Variants in PRAG1 observed in about 807,000 individuals in gnomAD.
The protein encoded by PRAG1 is inactive tyrosine-protein kinase PRAG1.
Under a neutral mutation model 95.6 loss-of-function variants are expected in PRAG1, and 110 were observed. That is an observed-to-expected ratio of 1.15 (90% CI 0.99 to 1.35). The LOEUF (loss-of-function observed/expected upper bound fraction) is 1.35, where lower values mean the gene tolerates loss of function less well. PRAG1 is among the 40% of genes most tolerant of loss of function. PRAG1 has a pLI of 0.00. For synonymous variants in PRAG1, 1,052 were observed against 819.4 expected (o/e 1.28, Z -4.85); for missense variants, 2,554 against 1,864.7 (o/e 1.37, Z -6.81).
At chr8:8,372,701 A>C (rs1800249911) in intron 3 of PRAG1, among the ~76,000 whole-genome samples, 1 of 152,232 alleles carries the variant, frequency 6.6e-6, no homozygotes, top group Non-Finnish European at 1.5e-5. Flanking sequence ...GAGTTTACAG[A>C]GGACAATATC....
intron 3 of PRAG1, among the ~76,000 whole-genome samples, chr8:8,355,284 A>G (rs1006337525): frequency 2.6e-5 from 4 of 152,204 alleles, no homozygotes; most frequent in Non-Finnish European, 4.4e-5. Flanking sequence ...AAATGCAAAT[A>G]TATACCATGT....
At chr8:8,319,591 G>GA (rs1798408510) in intron 5 of PRAG1, among the ~76,000 whole-genome samples, 2 of 152,284 alleles carry the variant, frequency 1.3e-5, no homozygotes, top group African/African-American at 4.8e-5. Flanking sequence ...ACACCATTAA[G>GA]AAAGTGGAAA....
In PRAG1 at chr8:8,376,898, C is replaced by G; in HGVS notation, c.1511G>C (p.Gly504Ala). 6.2e-7 allele frequency: 1 copy of G among 1,613,294 alleles called. No homozygotes were observed. Among genetic ancestry groups the G allele is most frequent in the Non-Finnish European group, 8.5e-7 (1 of 1,180,018 alleles). The change falls in exon 3 of 6, where the codon GGG becomes GCG. Residue 504 changes from glycine (G) to alanine (A), a missense_variant. Physicochemically the swap from Gly to Ala is moderately conservative, Grantham distance 60. Transcript: ENST00000615670. ...TACCTCGGAGTTCTGGCTCACAGGC[C>G]CTCGTGGCCACTGCACCCCCACTGC... Reference protein sequence around the residue: ...DSAVGVQWPRGPVSQNSEVGE... With the variant: ...DSAVGVQWPRAPVSQNSEVGE...
At chr8:8,380,223 C>T (rs756424705) in intron 2 of PRAG1, among the ~76,000 whole-genome samples, 4 of 151,560 alleles carry the variant, frequency 2.6e-5, no homozygotes, top group Admixed American at 6.6e-5. Flanking sequence ...TGCAGTTAGC[C>T]GAGATCGCAA....
chr8:8,369,802 G>C lies in PRAG1; in HGVS notation c.2162+6445C>G, dbSNP rs144375695. Among the ~76,000 whole-genome samples, 150 of 151,782 alleles carry C rather than the reference G, an allele frequency of 9.9e-4. 1 individual carries two copies. The highest frequency in any genetic ancestry group is 3.6e-3 in the African/African-American group (147 of 41,344). Reference sequence around the variant, plus strand: ...ACTATAAGGTACTCCTGGACACAGAGCTGAGCTTACCTTTGTGTTCCCTAA... The same window carrying C: ...ACTATAAGGTACTCCTGGACACAGACCTGAGCTTACCTTTGTGTTCCCTAA... On this transcript the variant is annotated intron_variant, in intron 3 of 5. Coordinates refer to ENST00000615670, the MANE Select transcript of PRAG1 (RefSeq NM_001080826.3).
At chr8:8,378,808 C>A (rs958192138) in intron 2 of PRAG1, among the ~76,000 whole-genome samples, 5 of 151,138 alleles carry the variant, frequency 3.3e-5, no homozygotes, top group African/African-American at 1.2e-4. Context: ...TTGCAGTGAC[C>A]CAAATCACAC....
intron 3 of PRAG1, among the ~76,000 whole-genome samples, chr8:8,367,361 G>C (rs1314416633): frequency 1.3e-5 from 2 of 148,746 alleles, no homozygotes; most frequent in African/African-American, 5.0e-5. Flanking sequence ...GGGAGGATGA[G>C]GCAGGGGAAT....
chr8:8,353,612 A>C (rs1799592041), intron 3 of PRAG1, among the ~76,000 whole-genome samples: 1 of 152,178 alleles, frequency 6.6e-6, no homozygotes, highest in Non-Finnish European at 1.5e-5. Context: ...GAAAGATCCC[A>C]AATAAATAGT....
At chr8:8,331,383 C>T (rs932005925) in intron 4 of PRAG1, among the ~76,000 whole-genome samples, 41 of 152,158 alleles carry the variant, frequency 2.7e-4, no homozygotes, top group African/African-American at 9.4e-4. Context: ...AGCTGTCAGC[C>T]TGCCCTGCCT....
chr8:8,362,654 G>C (rs893209774), intron 3 of PRAG1, among the ~76,000 whole-genome samples: 1 of 152,206 alleles, frequency 6.6e-6, no homozygotes, highest in African/African-American at 2.4e-5. Flanking sequence ...CCACAAAGAA[G>C]AATCAGTAGT....
rs779963239 is a variant in PRAG1 at position 8,376,227 on chromosome 8, A to G, written c.2162+20T>C. 1.2e-6 allele frequency: 2 copies of G among 1,604,880 alleles called. No individual in the cohort carries two copies. Among genetic ancestry groups the G allele is most frequent in the Non-Finnish European group, 1.7e-6 (2 of 1,175,642 alleles). On this transcript the variant is annotated intron_variant, in intron 3 of 5. Coordinates refer to ENST00000615670, the MANE Select transcript of PRAG1 (RefSeq NM_001080826.3). ...CCCTTTGCCCTGCAGACAGAGTCCC[A>G]GGCAGACAATGGTACTCACCGCGAC...
intron 3 of PRAG1, among the ~76,000 whole-genome samples, chr8:8,362,476 G>T (rs1380876708): frequency 1.3e-5 from 2 of 152,132 alleles, no homozygotes; most frequent in East Asian, 1.9e-4. Context: ...GAGAGTCTGG[G>T]TTTATTCATT....
In PRAG1 at chr8:8,354,655, A is replaced by G. The variant is rs190110971; in HGVS notation, c.2163-15020T>C. ...CAAATAAATCATTGTAATATGTCAC[A>G]TTAACAGAATGAAAGATAGAAACCA... is the stretch of plus-strand genomic sequence containing the variant. On this transcript the variant is annotated intron_variant, in intron 3 of 5. Transcript: ENST00000615670. Among the ~76,000 whole-genome samples, 538 of 152,330 alleles carry G rather than the reference A, an allele frequency of 3.5e-3. 1 individual carries two copies. Among genetic ancestry groups the G allele is most frequent in the Middle Eastern group, 0.01 (3 of 294 alleles).
chr8:8,354,062 A>C (rs1017418219), intron 3 of PRAG1, among the ~76,000 whole-genome samples: 3 of 152,148 alleles, frequency 2.0e-5, no homozygotes, highest in African/African-American at 4.8e-5. Context: ...GAAAATAAGG[A>C]AAGAAGACTC....
At chr8:8,378,522 G>A (rs1800514549) in intron 2 of PRAG1, among the ~76,000 whole-genome samples, 1 of 152,120 alleles carries the variant, frequency 6.6e-6, no homozygotes, top group Non-Finnish European at 1.5e-5. Flanking sequence ...CAATCACAGT[G>A]CATGCCTGAA....
At chr8:8,332,663 G>T (rs1798858655) in intron 4 of PRAG1, among the ~76,000 whole-genome samples, 1 of 132,934 alleles carries the variant, frequency 7.5e-6, no homozygotes, top group Non-Finnish European at 1.6e-5. Flanking sequence ...AGGCCTCCGA[G>T]GATCCTATAG....
chr8:8,360,036 C>G (rs925166794), intron 3 of PRAG1, among the ~76,000 whole-genome samples: 9 of 152,092 alleles, frequency 5.9e-5, no homozygotes, highest in Non-Finnish European at 1.0e-4. Context: ...GGAGGAAAAC[C>G]AACAGATGAG....
At position 8,354,299 on chromosome 8, in the gene PRAG1, AC is replaced by A. The variant is rs1306140318; in HGVS notation, c.2163-14665del. On this transcript the variant is annotated intron_variant, in intron 3 of 5. Coordinates refer to ENST00000615670, the MANE Select transcript of PRAG1 (RefSeq NM_001080826.3). The stretch of plus-strand genomic sequence containing the variant: ...AATTAAAAACGTTCCAACGAAGAAA[AC>A]CCCAGGACCAGATGGCTTCACAGCT... Among the ~76,000 whole-genome samples, 3 of 152,048 alleles carry A rather than the reference AC, an allele frequency of 2.0e-5. No individual in the cohort carries two copies. The East Asian group carries it at 5.8e-4, about 29-fold the overall frequency.
intron 4 of PRAG1, 31 bp downstream of exon 4, chr8:8,339,447 T>C: frequency 6.2e-7 from 1 of 1,610,098 alleles, no homozygotes; most frequent in Non-Finnish European, 8.5e-7. Context: ...CAGGAGAATC[T>C]AAGCCTCTCC....
Sources: gnomAD v4.1 joint callset for allele counts (sites outside exome capture counted in the v4.1 genomes callset) on GRCh38, gnomAD v4.1.1 for gene constraint, MANE v1.5 for transcripts, NCBI Gene and HGNC (gene_info 2026-07-23, HGNC 2026-07-21) for gene names.